The following ATP2C1 variants were observed in gnomAD, a reference collection of about 807,000 sequenced individuals.
ATP2C1 encodes the protein ATPase secretory pathway Ca2+ transporting 1, also known as calcium-transporting ATPase type 2C member 1.
In ATP2C1, 31 loss-of-function variants were observed where a neutral mutation model predicts 120.5. That is an observed-to-expected ratio of 0.26 (90% CI 0.19 to 0.35). ATP2C1 has a LOEUF of 0.35. Among genes scored for constraint, ATP2C1 ranks in the 10% least tolerant of loss-of-function variants. The probability of loss-of-function intolerance (pLI) is 1.00; values close to 1 mark genes in which losing one functional copy is unlikely to be tolerated. For synonymous variants in ATP2C1, 351 were observed against 358.7 expected (o/e 0.98, Z 0.24); for missense variants, 731 against 1,107.5 (o/e 0.66, Z 4.83).
At chr3:130,937,264 T>C (rs1018981737) in intron 5 of ATP2C1, among the ~76,000 whole-genome samples, 164 bp from the exon 6 acceptor site, 3 of 152,220 alleles carry the variant, frequency 2.0e-5, no homozygotes, top group Non-Finnish European at 4.4e-5. Flanking sequence ...ACTGTTAGCT[T>C]CTTTCCCCAC....
chr3:131,016,288 T>G (rs1192525846), exon 27 of ATP2C1: 1 of 1,614,070 alleles, frequency 6.2e-7, no homozygotes, highest in Admixed American at 1.7e-5. Flanking sequence ...CTTCACTCTT[T>G]GGAACTCTGC....
At chr3:130,995,414 CAA>C (rs778589516) in intron 22 of ATP2C1, among the ~76,000 whole-genome samples, 62 of 106,230 alleles carry the variant, frequency 5.8e-4, no homozygotes, top group Non-Finnish European at 4.4e-4. Context: ...GACCCTGTCT[CAA>C]AAAAAAAAAA....
chr3:130,858,946 T>C (rs1369251775), intron 1 of ATP2C1, among the ~76,000 whole-genome samples: 1 of 152,178 alleles, frequency 6.6e-6, no homozygotes, highest in Non-Finnish European at 1.5e-5. Flanking sequence ...TATGATATAC[T>C]AATAAAGATG....
At chr3:130,865,721 T>C (rs1034604436) in intron 1 of ATP2C1, among the ~76,000 whole-genome samples, 3 of 152,204 alleles carry the variant, frequency 2.0e-5, no homozygotes, top group African/African-American at 7.2e-5. Flanking sequence ...GCTGCCACCA[T>C]GTAAGAAGTG....
intron 2 of ATP2C1, among the ~76,000 whole-genome samples, chr3:130,895,257 A>G (rs916149401): frequency 6.6e-6 from 1 of 152,204 alleles, no homozygotes; most frequent in African/African-American, 2.4e-5. Context: ...TTATTTTTCA[A>G]TTCACAAAAA....
intron 1 of ATP2C1, among the ~76,000 whole-genome samples, chr3:130,888,744 C>T (rs1037877517): frequency 2.6e-5 from 4 of 152,174 alleles, no homozygotes; most frequent in Non-Finnish European, 4.4e-5. Context: ...ACTGTCTCTC[C>T]TACTCTCTTC....
At chr3:130,929,069 A>G (rs1420400144) in intron 2 of ATP2C1, among the ~76,000 whole-genome samples, 1 of 152,180 alleles carries the variant, frequency 6.6e-6, no homozygotes. Context: ...AAGTTTTTAC[A>G]TTTCTTAATT....
intron 11 of ATP2C1, 38 bp downstream of exon 11, chr3:130,956,217 G>A (rs890311146): frequency 9.9e-6 from 14 of 1,411,622 alleles, no homozygotes; most frequent in Non-Finnish European, 1.4e-5. Context: ...TTTTATTTGA[G>A]TTTTGTTTTT....
Position 131,002,441 on chromosome 3 carries a change from A to AT in ATP2C1, c.*1095dup. 1.0e-6 allele frequency: 1 copy of AT among 985,320 alleles called. No individual in the cohort carries two copies. Among genetic ancestry groups the AT allele is most frequent in the Non-Finnish European group, 1.2e-6 (1 of 829,912 alleles). The allele number at this position is 985,320 out of a possible 1,614,324, so 61.0% of individuals were successfully genotyped here. A position where few individuals can be genotyped will look rare whatever the true frequency, so the allele number is the denominator to read the frequency against. On this transcript the variant is annotated 3_prime_UTR_variant, in exon 28 of 28. Coordinates refer to ENST00000510168, the MANE Select transcript of ATP2C1 (RefSeq NM_001378687.1). ...TGCATCTGAAGCTTCTTTGGCCTAG[A>AT]TTTTAGCACAAACCTGAGTATATCT...
At chr3:130,957,744 G>C (rs1486409207) in intron 11 of ATP2C1, among the ~76,000 whole-genome samples, 2 of 152,006 alleles carry the variant, frequency 1.3e-5, no homozygotes, top group Non-Finnish European at 2.9e-5. Context: ...ATAGGGACGG[G>C]ATTTTACCAC....
chr3:130,980,781 T>C lies in ATP2C1; in HGVS notation c.1839+102T>C, dbSNP rs1358250377. The C allele has an allele frequency of 3.4e-6, 3 of 877,706 alleles. No individual in the cohort carries two copies. In the African/African-American group the frequency reaches 5.0e-5, roughly 15 times the overall value. The allele number at this position is 877,706 out of a possible 1,614,324, so 54.4% of individuals were successfully genotyped here. On this transcript the variant is annotated intron_variant, in intron 20 of 27. Transcript: ENST00000510168. ...ACTGTTTAATTGTGAACATCAGGGA[T>C]TTAAATAACCACCAGATTTGTTGGT...
intron 8 of ATP2C1, among the ~76,000 whole-genome samples, chr3:130,945,186 A>T (rs2060091726): frequency 6.6e-6 from 1 of 151,618 alleles, no homozygotes; most frequent in Non-Finnish European, 1.5e-5. Flanking sequence ...TGGGCATGTT[A>T]TTTGTTTTTT....
intron 8 of ATP2C1, among the ~76,000 whole-genome samples, chr3:130,945,590 C>T (rs1238866441): frequency 6.8e-6 from 1 of 148,078 alleles, no homozygotes; most frequent in African/African-American, 2.5e-5. Flanking sequence ...TGTTCAATTC[C>T]CACGTATGAG....
intron 17 of ATP2C1, among the ~76,000 whole-genome samples, chr3:130,972,357 T>C (rs1013665268): frequency 2.0e-5 from 3 of 152,136 alleles, no homozygotes; most frequent in African/African-American, 7.2e-5. Flanking sequence ...TCTTTGTTCA[T>C]TGGAAGCACT....
intron 8 of ATP2C1, among the ~76,000 whole-genome samples, chr3:130,948,091 G>A (rs1033027125): frequency 3.3e-5 from 5 of 152,086 alleles, no homozygotes; most frequent in African/African-American, 2.4e-5. Context: ...CAGGAGTCAC[G>A]AACTCAACAT....
At chr3:130,887,096 T>C (rs945098145) in intron 1 of ATP2C1, among the ~76,000 whole-genome samples, 3 of 152,218 alleles carry the variant, frequency 2.0e-5, no homozygotes, top group African/African-American at 7.2e-5. Context: ...AGGTACTGCC[T>C]TGGTGGTCTT....
intron 17 of ATP2C1, among the ~76,000 whole-genome samples, chr3:130,971,121 G>A (rs2061296112): frequency 6.6e-6 from 1 of 152,178 alleles, no homozygotes; most frequent in African/African-American, 2.4e-5. Flanking sequence ...TATATGGCAA[G>A]CATATGCATA....
At chr3:130,968,032 A>C (rs1263956028) in intron 16 of ATP2C1, among the ~76,000 whole-genome samples, 1 of 152,210 alleles carries the variant, frequency 6.6e-6, no homozygotes, top group Non-Finnish European at 1.5e-5. Context: ...TACCTTTAAG[A>C]GTATTCAGAG....
chr3:130,969,812 A>G (rs1444923696), intron 17 of ATP2C1, among the ~76,000 whole-genome samples: 1 of 152,206 alleles, frequency 6.6e-6, no homozygotes, highest in African/African-American at 2.4e-5. Context: ...CTTTTTGAAA[A>G]GTAGTTTGCA....
Sources: gnomAD v4.1 joint callset for allele counts (sites outside exome capture counted in the v4.1 genomes callset) on GRCh38, gnomAD v4.1.1 for gene constraint, MANE v1.5 for transcripts, NCBI Gene and HGNC (gene_info 2026-07-23, HGNC 2026-07-21) for gene names.